NHSL2: variants seen among roughly 807,000 people sequenced by gnomAD.
NHSL2 encodes the protein NHS-like protein 2.
Under a neutral mutation model 53.4 loss-of-function variants are expected in NHSL2, and 27 were observed. The ratio of observed to expected loss-of-function variants is 0.51; its 90% CI spans 0.37 to 0.70. NHSL2 has a LOEUF of 0.70. Ranked by LOEUF, NHSL2 falls within the 30% of genes least tolerant of loss-of-function variation. NHSL2 has a pLI of 0.00. For synonymous variants in NHSL2, 408 were observed against 404.1 expected (o/e 1.01, Z -0.12); for missense variants, 892 against 980.1 (o/e 0.91, Z 1.20).
At chrX:72,124,837 G>A (rs2042209654) in intron 1 of NHSL2, among the ~76,000 whole-genome samples, 1 of 111,862 alleles carries the variant, frequency 8.9e-6, no homozygotes, top group African/African-American at 3.3e-5. Flanking sequence ...CCAGGAGAGG[G>A]TTTTTAGGAC....
chrX:72,054,875 C>A (rs2042359734), intron 1 of NHSL2, among the ~76,000 whole-genome samples: 2 of 111,070 alleles, frequency 1.8e-5, no homozygotes, highest in African/African-American at 6.6e-5. Context: ...GCAGTTAGCA[C>A]AATTTTTCTT....
At position 72,140,289 on chromosome X, in the gene NHSL2, G is replaced by C. The variant is rs1194197300; in HGVS notation, c.2741G>C (p.Arg914Thr). The C allele has an allele frequency of 8.3e-7, 1 of 1,208,572 alleles. No individual in the cohort carries two copies. The highest frequency in any genetic ancestry group is 1.8e-5 in the African/African-American group (1 of 56,962). ...CCCAGGAGCTCAATTCAACATGCGA[G>C]ACCACTCCCTCAAGACAGCTACACG... ...MPPRSSIQHARPLPQDSYTVV... is the reference protein window; with the variant it reads ...MPPRSSIQHATPLPQDSYTVV... The change falls in exon 6 of 8, where the codon AGA (arginine) becomes ACA (threonine). Residue 914 changes from arginine (R) to threonine (T), a missense_variant. By Grantham distance (71) the Arg-to-Thr change is moderately conservative (BLOSUM62 -1). Coordinates refer to ENST00000633930, the MANE Select transcript of NHSL2 (RefSeq NM_001013627.3).
intron 6 of NHSL2, among the ~76,000 whole-genome samples, chrX:72,141,846 C>G (rs1436389576): frequency 8.9e-6 from 1 of 112,075 alleles, no homozygotes; most frequent in Non-Finnish European, 1.9e-5. Flanking sequence ...AACACTTCCT[C>G]AGACTCCACA....
At chrX:71,917,786 G>T (rs1489771672) in intron 1 of NHSL2, among the ~76,000 whole-genome samples, 1 of 111,115 alleles carries the variant, frequency 9.0e-6, no homozygotes, top group Non-Finnish European at 1.9e-5. Context: ...CCTGTGCAAA[G>T]CCCTGGATAT....
intron 1 of NHSL2, among the ~76,000 whole-genome samples, chrX:72,066,018 A>G (rs1422632846): frequency 1.4e-4 from 16 of 111,816 alleles, no homozygotes; most frequent in Admixed American, 1.4e-3. Flanking sequence ...GTTCCAAGCA[A>G]TGGAGTGATG....
chrX:71,983,149 T>G (rs987451467), intron 1 of NHSL2, among the ~76,000 whole-genome samples: 2 of 111,810 alleles, frequency 1.8e-5, no homozygotes, highest in African/African-American at 6.5e-5. Flanking sequence ...TGATTGTTGT[T>G]GTGGTGTGAG....
At position 72,132,094 on chromosome X, in the gene NHSL2, G is replaced by C; in HGVS notation, c.296G>C (p.Gly99Ala). Residue 99 changes from glycine (G) to alanine (A), a missense_variant, in exon 2 of 8, where the codon GGT becomes GCT. Coordinates refer to ENST00000633930, the MANE Select transcript of NHSL2 (RefSeq NM_001013627.3). Reference sequence around the variant, plus strand: ...CCTTCCCTAGCTGCAGCTAACTCGGGTCGGGAAAATGCGACAGCGACTGCC... The same window carrying C: ...CCTTCCCTAGCTGCAGCTAACTCGGCTCGGGAAAATGCGACAGCGACTGCC... ...DEEELAAANS[G>A]RENATATAHS... 8.6e-7 allele frequency: 1 copy of C among 1,167,229 alleles called. No individual in the cohort carries two copies. The highest frequency in any genetic ancestry group is 1.1e-6 in the Non-Finnish European group (1 of 872,552).
intron 1 of NHSL2, among the ~76,000 whole-genome samples, chrX:72,032,735 T>C (rs780521148): frequency 2.7e-5 from 3 of 111,057 alleles, no homozygotes; most frequent in African/African-American, 9.8e-5. Context: ...GGTGCTCACC[T>C]GTAGTCCCAG....
chrX:71,934,599 C>G (rs1223700933), intron 1 of NHSL2, among the ~76,000 whole-genome samples: 1 of 111,546 alleles, frequency 9.0e-6, no homozygotes, highest in African/African-American at 3.3e-5. Context: ...TTTAAAAGAT[C>G]CCCCTGACTT....
chrX:71,988,239 G>A (rs976824911), intron 1 of NHSL2, among the ~76,000 whole-genome samples: 3 of 111,551 alleles, frequency 2.7e-5, no homozygotes, highest in African/African-American at 9.8e-5. Flanking sequence ...TTTTTTGAAG[G>A]TTTTGTTTGT....
chrX:72,043,498 G>A (rs1457879280), intron 1 of NHSL2, among the ~76,000 whole-genome samples: 2 of 111,432 alleles, frequency 1.8e-5, no homozygotes, highest in Non-Finnish European at 3.8e-5. Context: ...GTAATGAAAA[G>A]TTTCCTTAGG....
chrX:72,019,035 T>TGTCC (rs1182138379), intron 1 of NHSL2, among the ~76,000 whole-genome samples: 1 of 112,609 alleles, frequency 8.9e-6, no homozygotes, highest in Non-Finnish European at 1.9e-5. Context: ...AGGGATGTCC[T>TGTCC]GTCCGAGGCT....
At chrX:72,114,560 G>A (rs1275387639) in intron 1 of NHSL2, among the ~76,000 whole-genome samples, 25 of 111,852 alleles carry the variant, frequency 2.2e-4, no homozygotes, top group Non-Finnish European at 2.8e-4. Context: ...TTATGCAGAG[G>A]GAGTAACGTA....
intron 4 of NHSL2, 30 bp downstream of exon 4, chrX:72,134,734 C>T (rs942393098): frequency 5.6e-6 from 6 of 1,067,070 alleles, no homozygotes; most frequent in South Asian, 2.0e-5. Context: ...CCTTTGTCTT[C>T]TTCCCTTCAT....
intron 1 of NHSL2, among the ~76,000 whole-genome samples, chrX:72,022,345 C>A (rs748991651): frequency 3.6e-5 from 4 of 112,570 alleles, no homozygotes; most frequent in African/African-American, 1.3e-4. Flanking sequence ...GCTTTCATTA[C>A]TTTAATGTCT....
chrX:72,025,454 T>A (rs1454146429), intron 1 of NHSL2, among the ~76,000 whole-genome samples: 2 of 111,491 alleles, frequency 1.8e-5, no homozygotes, highest in Non-Finnish European at 3.8e-5. Flanking sequence ...GAACTCGGTG[T>A]GATTATCCCA....
chrX:71,939,716 G>A (rs956020895), intron 1 of NHSL2, among the ~76,000 whole-genome samples: 3 of 111,950 alleles, frequency 2.7e-5, no homozygotes, highest in Non-Finnish European at 5.6e-5. Flanking sequence ...TACCTAAAAC[G>A]AGAATATTAA....
chrX:71,967,584 G>A (rs1405706305), intron 1 of NHSL2, among the ~76,000 whole-genome samples: 1 of 111,396 alleles, frequency 9.0e-6, no homozygotes, highest in Non-Finnish European at 1.9e-5. Flanking sequence ...AAGTATTTCA[G>A]GATTTTCTAG....
intron 1 of NHSL2, among the ~76,000 whole-genome samples, chrX:71,964,015 A>ATATATATG (rs1569467102): frequency 7.2e-4 from 4 of 5,566 alleles, no homozygotes; most frequent in African/African-American, 9.8e-4. Flanking sequence ...ATATATGTAT[A>ATATATATG]TATATATATG....
Sources: gnomAD v4.1 joint callset for allele counts (sites outside exome capture counted in the v4.1 genomes callset) on GRCh38, gnomAD v4.1.1 for gene constraint, MANE v1.5 for transcripts, NCBI Gene and HGNC (gene_info 2026-07-23, HGNC 2026-07-21) for gene names.